GPC3: variants seen among roughly 807,000 people sequenced by gnomAD.
The protein encoded by GPC3 is glypican 3.
GPC3 carries 3 observed loss-of-function variants against 34.4 expected under a neutral mutation model. The ratio of observed to expected loss-of-function variants is 0.09; its 90% confidence interval spans 0.04 to 0.23. GPC3 has a LOEUF of 0.23. Among genes scored for constraint, GPC3 ranks in the 10% least tolerant of loss-of-function variants. GPC3 has a pLI of 1.00. For synonymous variants in GPC3, 177 were observed against 174.0 expected (o/e 1.02, Z -0.13); for missense variants, 351 against 445.6 (o/e 0.79, Z 1.91).
chrX:133,589,522 A>G (rs752401317), intron 7 of GPC3, among the ~76,000 whole-genome samples: 142 of 111,030 alleles, frequency 1.3e-3, no homozygotes, highest in African/African-American at 4.3e-3. Flanking sequence ...GATTACAGGC[A>G]TGCACCACCA....
intron 5 of GPC3, among the ~76,000 whole-genome samples, chrX:133,675,151 C>CAA (rs1369357995): frequency 8.9e-6 from 1 of 112,038 alleles, no homozygotes; most frequent in Non-Finnish European, 1.9e-5. Flanking sequence ...CCTCAAAGAA[C>CAA]AAACTGTTTT....
intron 5 of GPC3, among the ~76,000 whole-genome samples, chrX:133,664,103 A>G (rs774576028): frequency 3.6e-5 from 4 of 112,374 alleles, no homozygotes; most frequent in African/African-American, 1.3e-4. Flanking sequence ...TAAACTAAGG[A>G]AAAAAAATCA....
chrX:133,775,179 CAACT>C (rs774803728), intron 2 of GPC3, among the ~76,000 whole-genome samples: 3 of 109,928 alleles, frequency 2.7e-5, no homozygotes, highest in African/African-American at 9.9e-5. Context: ...ATATTCCCAC[CAACT>C]GTTATCAACA....
intron 2 of GPC3, among the ~76,000 whole-genome samples, chrX:133,860,239 T>A (rs1226965203): frequency 1.8e-5 from 2 of 111,760 alleles, no homozygotes; most frequent in African/African-American, 6.5e-5. Flanking sequence ...ATACTTTAAA[T>A]CCTCATAACA....
At chrX:133,791,079 T>G (rs920422636) in intron 2 of GPC3, among the ~76,000 whole-genome samples, 7 of 111,735 alleles carry the variant, frequency 6.3e-5, no homozygotes, top group Admixed American at 3.8e-4. Flanking sequence ...CACCACCACT[T>G]TGTGAATAAA....
Position 133,718,702 on chromosome X carries a change from C to A in GPC3, c.1033-18674G>T, listed in dbSNP as rs564345000. 4.5e-5 allele frequency among the ~76,000 whole-genome samples: 5 copies of A among 111,254 alleles called. No individual in the cohort carries two copies. The South Asian group carries it at 1.9e-3, about 42-fold the overall frequency. ...ACATGATGCAAGTCTATGCTGTCTA[C>A]AAGAGACACACTTTAGATTCAAAGA... On this transcript the variant is annotated intron_variant, in intron 3 of 7. Transcript: ENST00000370818.
chrX:133,793,495 C>T (rs1459200520), intron 2 of GPC3, among the ~76,000 whole-genome samples: 1 of 111,590 alleles, frequency 9.0e-6, no homozygotes, highest in East Asian at 2.8e-4. Context: ...TAAGTGTACT[C>T]CAACCCTTAA....
chrX:133,965,430 A>G (rs1237790877), intron 1 of GPC3, among the ~76,000 whole-genome samples: 1 of 110,849 alleles, frequency 9.0e-6, no homozygotes, highest in Non-Finnish European at 1.9e-5. Context: ...AGACACACAG[A>G]GGAGAGACAC....
At chrX:133,578,702 A>G (rs1396468040) in intron 7 of GPC3, among the ~76,000 whole-genome samples, 1 of 111,062 alleles carries the variant, frequency 9.0e-6, no homozygotes, top group Non-Finnish European at 1.9e-5. Context: ...AAACAAAACA[A>G]AACAGAACAA....
intron 3 of GPC3, among the ~76,000 whole-genome samples, chrX:133,704,044 T>C (rs1014523280): frequency 8.9e-6 from 1 of 111,979 alleles, no homozygotes; most frequent in African/African-American, 3.2e-5. Flanking sequence ...CAAAGCCATC[T>C]TGGGCTGCAT....
intron 2 of GPC3, among the ~76,000 whole-genome samples, chrX:133,904,798 G>A (rs2076160689): frequency 9.0e-6 from 1 of 111,575 alleles, no homozygotes; most frequent in Non-Finnish European, 1.9e-5. Context: ...CATTGATGAG[G>A]CAGCACTAAA....
intron 2 of GPC3, among the ~76,000 whole-genome samples, chrX:133,779,039 A>G (rs189973110): frequency 7.7e-4 from 86 of 112,184 alleles, no homozygotes; most frequent in Non-Finnish European, 1.5e-3. Context: ...AGAAAATTTT[A>G]CTGATGAGGA....
intron 2 of GPC3, among the ~76,000 whole-genome samples, chrX:133,780,096 C>A (rs1569431148): frequency 9.0e-6 from 1 of 111,625 alleles, no homozygotes; most frequent in Non-Finnish European, 1.9e-5. Context: ...GGGAAATGAC[C>A]TAGACGCCAT....
At position 133,540,258 on chromosome X, in the gene GPC3, G is replaced by T. The variant is rs764556515; in HGVS notation, c.1574-3965C>A. Among the ~76,000 whole-genome samples, 62 of 112,894 alleles carry T rather than the reference G, an allele frequency of 5.5e-4. 1 individual carries two copies. Among genetic ancestry groups the T allele is most frequent in the Admixed American group, 3.2e-3 (34 of 10,706 alleles). On this transcript the variant is annotated intron_variant, in intron 7 of 7. Coordinates refer to ENST00000370818, the MANE Select transcript of GPC3 (RefSeq NM_004484.4). Reference sequence around the variant, plus strand: ...TGAAAAAGACACATGAACACGCATGGTTATAGCAGCTCAATTTGCAATTGC... The same window carrying T: ...TGAAAAAGACACATGAACACGCATGTTTATAGCAGCTCAATTTGCAATTGC...
intron 5 of GPC3, among the ~76,000 whole-genome samples, chrX:133,669,199 T>C (rs2070802186): frequency 8.9e-6 from 1 of 112,023 alleles, no homozygotes; most frequent in African/African-American, 3.2e-5. Context: ...GTTAGAGAAA[T>C]AAATAATCCA....
At chrX:133,737,723 C>T (rs192909511) in intron 3 of GPC3, among the ~76,000 whole-genome samples, 5 of 111,209 alleles carry the variant, frequency 4.5e-5, no homozygotes, top group African/African-American at 1.3e-4. Flanking sequence ...ATACCTATTA[C>T]GTGTAAGATG....
At chrX:133,537,636 T>C (rs1036297565) in intron 7 of GPC3, among the ~76,000 whole-genome samples, 18 of 111,805 alleles carry the variant, frequency 1.6e-4, no homozygotes, top group Non-Finnish European at 2.3e-4. Flanking sequence ...TTGCAATCTA[T>C]ATTGCCACCA....
At position 133,961,650 on chromosome X, in the gene GPC3, G is replaced by A. The variant is rs758334428; in HGVS notation, c.176-8439C>T. Among the ~76,000 whole-genome samples, 15 of 111,865 alleles carry A rather than the reference G, an allele frequency of 1.3e-4. No homozygotes were observed. In the South Asian group the frequency reaches 1.9e-3, roughly 14 times the overall value. ...TGCCCAGCCCAAGGAATATAATAAT[G>A]AACAGGACATGGTCCCTGCACCAGA... On this transcript the variant is annotated intron_variant, in intron 1 of 7. Transcript: ENST00000370818.
intron 2 of GPC3, among the ~76,000 whole-genome samples, chrX:133,795,750 T>A (rs1421863644): frequency 1.8e-5 from 2 of 108,455 alleles, no homozygotes; most frequent in African/African-American, 6.6e-5. Flanking sequence ...CCTGAACTGC[T>A]ACAATAGGAA....
Sources: gnomAD v4.1 joint callset for allele counts (sites outside exome capture counted in the v4.1 genomes callset) on GRCh38, gnomAD v4.1.1 for gene constraint, MANE v1.5 for transcripts, NCBI Gene and HGNC (gene_info 2026-07-23, HGNC 2026-07-21) for gene names.